AMMECR1L: variants seen among roughly 807,000 people sequenced by gnomAD.
The protein encoded by AMMECR1L is AMMECR1 like, also known as AMMECR1-like protein.
Under a neutral mutation model 36.8 loss-of-function variants are expected in AMMECR1L, and 4 were observed. That is an observed-to-expected ratio of 0.11 (90% CI 0.05 to 0.25). The LOEUF (loss-of-function observed/expected upper bound fraction) is 0.25. Among genes scored for constraint, AMMECR1L ranks in the 10% least tolerant of loss-of-function variants. The pLI, the probability that AMMECR1L is intolerant of heterozygous loss-of-function variation, is 1.00. For synonymous variants in AMMECR1L, 147 were observed against 148.0 expected (o/e 0.99, Z 0.05); for missense variants, 232 against 392.1 (o/e 0.59, Z 3.45).
At chr2:127,885,179 G>C in intron 1 of AMMECR1L, 1 of 985,180 alleles carries the variant, frequency 1.0e-6, no homozygotes, top group African/African-American at 1.7e-5. Context: ...CCAAGAGTAG[G>C]GGTGCGAAAA....
chr2:127,872,915 G>A, intron 3 of AMMECR1L: 1 of 889,232 alleles, frequency 1.1e-6, no homozygotes, highest in Non-Finnish European at 1.3e-6. Context: ...CTTCCCTCCA[G>A]GTTTCCTCTC....
chr2:127,880,591 G>C (rs1004880757), intron 2 of AMMECR1L, among the ~76,000 whole-genome samples: 3 of 151,982 alleles, frequency 2.0e-5, no homozygotes, highest in Non-Finnish European at 2.9e-5. Context: ...CCTGCAACAA[G>C]GGCCACTCAG....
rs1288526489 is a variant in AMMECR1L, at chr2:127,865,492, G to A, written c.822-287C>T. 1.3e-5 allele frequency among the ~76,000 whole-genome samples: 2 copies of A among 152,018 alleles called. No individual in the cohort carries two copies. The highest frequency in any genetic ancestry group is 2.4e-5 in the African/African-American group (1 of 41,356). On this transcript the variant is annotated intron_variant, in intron 7 of 7. Transcript: ENST00000272647. This position sits in a 1 kb window ranked among gnomAD's most constrained non-coding sequence, Gnocchi z 5.4. The stretch of plus-strand genomic sequence containing the variant: ...TCATCAGGCTGCTCGTAAGCAATCC[G>A]CTACTGGGGTCTGGATGAAGAATTT...
At chr2:127,880,773 T>TATAC (rs143717551) in intron 2 of AMMECR1L, among the ~76,000 whole-genome samples, 4 of 148,904 alleles carry the variant, frequency 2.7e-5, no homozygotes, top group Non-Finnish European at 4.5e-5. Flanking sequence ...ACATACAGTA[T>TATAC]ACACACACAC....
chr2:127,868,712 A>T (rs1690817536), intron 6 of AMMECR1L, among the ~76,000 whole-genome samples: 1 of 152,080 alleles, frequency 6.6e-6, no homozygotes, highest in South Asian at 2.1e-4. Flanking sequence ...CCATCAGAAG[A>T]ACTTATAGGC....
intron 1 of AMMECR1L, chr2:127,885,363 G>A: frequency 1.0e-6 from 1 of 982,044 alleles, no homozygotes; most frequent in Non-Finnish European, 1.2e-6. Context: ...GACGGGTAGA[G>A]CAGCTTGGGC....
rs1691074959 is a variant in AMMECR1L at position 127,873,313 on chromosome 2, A to G, written c.407+515T>C. ...AAGAATCTTGAACTAAAAATACTGA[A>G]GCAGATTCTGACTTCTTGATGGGAT... is the stretch of plus-strand genomic sequence containing the variant. On this transcript the variant is annotated intron_variant, in intron 3 of 7. Transcript: ENST00000272647. This position sits in a 1 kb window ranked among gnomAD's most constrained non-coding sequence, Gnocchi z 5.2. The G allele has an allele frequency of 2.0e-5, 20 of 985,344 alleles. No individual in the cohort carries two copies. The highest frequency in any genetic ancestry group is 2.4e-5 in the Non-Finnish European group (20 of 829,946). The allele number at this position is 985,344 out of a possible 1,614,324, so 61.0% of individuals were successfully genotyped here.
chr2:127,872,847 G>C, intron 3 of AMMECR1L: 1 of 314,746 alleles, frequency 3.2e-6, no homozygotes, highest in Middle Eastern at 1.7e-3. Flanking sequence ...CACCTGCTCA[G>C]TCAGGTGTTT....
rs1558993575 is a variant in AMMECR1L, at chr2:127,871,293, T to C, written c.474A>G (p.Ser158=). Residue 158 remains serine, a synonymous_variant, in exon 4 of 8, where the codon TCA becomes TCG. Coordinates refer to ENST00000272647, the MANE Select transcript of AMMECR1L (RefSeq NM_001199140.2). The surrounding 1 kb of genome is among the most constrained non-coding windows in gnomAD (Gnocchi z 4.3). The part of the protein sequence containing the change: ...KRLRGCIGTF[S]AMNLHSGLRE... ...TGAGTCCTGAATGAAGATTCATGGC[T>C]GAGAAGGTCCCAATGCAGCCACGAA... The C allele has an allele frequency of 3.7e-6, 6 of 1,614,222 alleles. No homozygotes were observed. Among genetic ancestry groups the C allele is most frequent in the Non-Finnish European group, 5.1e-6 (6 of 1,180,034 alleles).
At position 127,873,925 on chromosome 2, in the gene AMMECR1L, C is replaced by A; in HGVS notation, c.310G>T (p.Val104Leu). ...GTANTTKNLV[V>L]TAEMCCYCFD... ...CAGTAGCAGCACATCTCTGCAGTCACCACCAGATTCTTAGTGGTGTTGGCA... is the reference window on the plus strand; with the variant it reads ...CAGTAGCAGCACATCTCTGCAGTCAACACCAGATTCTTAGTGGTGTTGGCA... The change falls in exon 3 of 8, where the codon GTG becomes TTG. Residue 104 changes from valine (V) to leucine (L), a missense_variant. Around this residue, in one of 3 missense-constraint regions of AMMECR1L, gnomAD observed 83 missense variants for 229.5 expected, o/e 0.36. Transcript: ENST00000272647. This position sits in a 1 kb window ranked among gnomAD's most constrained non-coding sequence, Gnocchi z 5.2. 6.2e-7 allele frequency: 1 copy of A among 1,614,228 alleles called. No individual in the cohort carries two copies. Among genetic ancestry groups the A allele is most frequent in the Non-Finnish European group, 8.5e-7 (1 of 1,180,044 alleles).
chr2:127,874,649 A>G lies in AMMECR1L; in HGVS notation c.-38-377T>C, dbSNP rs528174412. Among the ~76,000 whole-genome samples the G allele has an allele frequency of 2.6e-5, 4 of 152,324 alleles. No individual in the cohort carries two copies. In the South Asian group the frequency reaches 8.3e-4, roughly 32 times the overall value. On this transcript the variant is annotated intron_variant, in intron 2 of 7. Transcript: ENST00000272647. This position sits in a 1 kb window ranked among gnomAD's most constrained non-coding sequence, Gnocchi z 5.2. ...TCATCATGATGTCTCTACCTTTTTTAGAGGCTCCAAATTGAACCATCCTAT... is the reference window on the plus strand; with the variant it reads ...TCATCATGATGTCTCTACCTTTTTTGGAGGCTCCAAATTGAACCATCCTAT...
chr2:127,880,231 CA>C (rs1339421015), intron 2 of AMMECR1L, among the ~76,000 whole-genome samples: 8 of 152,210 alleles, frequency 5.3e-5, no homozygotes, highest in Admixed American at 2.6e-4. Context: ...TCCAGGCCTT[CA>C]GCTGGTTACT....
intron 2 of AMMECR1L, among the ~76,000 whole-genome samples, chr2:127,879,582 A>G (rs1573561621): frequency 6.6e-6 from 1 of 152,200 alleles, no homozygotes. Context: ...TATAACAACT[A>G]CAGGCAAAGA....
rs763352434 is a variant in AMMECR1L, at chr2:127,867,004, G to A, written c.725-8C>T. 5.3e-5 allele frequency: 85 copies of A among 1,613,914 alleles called. No homozygotes were observed. The highest frequency in any genetic ancestry group is 6.7e-5 in the Non-Finnish European group (79 of 1,179,882). ...TCTGGATCTGATCCCAGTCTGGGGA[G>A]GAGAAAGGCCACACTGAGGTCAATG... is the stretch of plus-strand genomic sequence containing the variant. On this transcript the variant is annotated splice_polypyrimidine_tract_variant and splice_region_variant and intron_variant, in intron 6 of 7. Transcript: ENST00000272647.
At chr2:127,876,349 C>CAAA (rs11332960) in intron 2 of AMMECR1L, among the ~76,000 whole-genome samples, 1 of 111,132 alleles carries the variant, frequency 9.0e-6, no homozygotes, top group Non-Finnish European at 1.9e-5. Flanking sequence ...GGCCCTGTCT[C>CAAA]AAAAAAAAAA....
At chr2:127,882,337 C>A (rs1446017357) in intron 2 of AMMECR1L, among the ~76,000 whole-genome samples, 2 of 152,178 alleles carry the variant, frequency 1.3e-5, no homozygotes, top group Non-Finnish European at 2.9e-5. Flanking sequence ...CAGAAGGGAA[C>A]AAGCTGTTGT....
At position 127,862,035 on chromosome 2, in the gene AMMECR1L, T is replaced by C. The variant is rs945056115; in HGVS notation, c.*3059A>G. ...TCTAACATGAGTTGTTTTATTATTA[T>C]GAAGCAAAAAAGTTTTAAGAATCTC... On this transcript the variant is annotated 3_prime_UTR_variant, in exon 8 of 8. Coordinates refer to ENST00000272647, the MANE Select transcript of AMMECR1L (RefSeq NM_001199140.2). 4.6e-5 allele frequency: 7 copies of C among 152,618 alleles called. No homozygotes were observed. Among genetic ancestry groups the C allele is most frequent in the African/African-American group, 1.2e-4 (5 of 41,448 alleles). 9.5% of individuals were successfully genotyped at this position (152,618 alleles called of 1,614,324 possible).
chr2:127,881,741 C>T (rs1265999161), intron 2 of AMMECR1L, among the ~76,000 whole-genome samples: 1 of 152,212 alleles, frequency 6.6e-6, no homozygotes, highest in African/African-American at 2.4e-5. Flanking sequence ...TAACACAGCT[C>T]TGAGTGCTTA....
At position 127,866,884 on chromosome 2, in the gene AMMECR1L, C is replaced by A; in HGVS notation, c.821+16G>T. 2 of 1,610,452 alleles carry A rather than the reference C, an allele frequency of 1.2e-6. No individual in the cohort carries two copies. The highest frequency in any genetic ancestry group is 1.7e-6 in the Non-Finnish European group (2 of 1,176,696). On this transcript the variant is annotated intron_variant, in intron 7 of 7. Transcript: ENST00000272647. ...AACTAAATTGAAATGATAAGGAAAA[C>A]AAGACAATGGCTTACCTGGTGAGTT...
Sources: gnomAD v4.1 joint callset for allele counts (sites outside exome capture counted in the v4.1 genomes callset) on GRCh38, gnomAD v4.1.1 for gene constraint, gnomAD v4.1.1 regional missense constraint, Gnocchi (gnomAD v3.1) non-coding constraint, MANE v1.5 for transcripts, NCBI Gene and HGNC (gene_info 2026-07-23, HGNC 2026-07-21) for gene names.